Variants in TRPM7 observed in about 807,000 individuals in gnomAD.
TRPM7 encodes transient receptor potential cation channel subfamily M member 7.
Under a neutral mutation model 229.7 loss-of-function variants are expected in TRPM7, and 134 were observed. That is an observed-to-expected ratio of 0.58 (90% confidence interval 0.51 to 0.67). The LOEUF (loss-of-function observed/expected upper bound fraction) is 0.67. Ranked by LOEUF, TRPM7 falls within the 30% of genes least tolerant of loss-of-function variation. TRPM7 has a pLI of 0.00. For synonymous variants in TRPM7, 699 were observed against 715.2 expected, an observed-to-expected ratio of 0.98 and a Z score of 0.36; for missense variants, 1,901 against 2,210.0, an observed-to-expected ratio of 0.86 and a Z score of 2.80.
intron 3 of TRPM7, among the ~76,000 whole-genome samples, chr15:50,654,372 G>A (rs1257459372): frequency 3.3e-5 from 5 of 150,902 alleles, no homozygotes; most frequent in African/African-American, 7.3e-5. Flanking sequence ...GCTTGAACCC[G>A]GGAGGCAGAG....
At chr15:50,620,214 C>T (rs2060349705) in intron 12 of TRPM7, among the ~76,000 whole-genome samples, 1 of 152,074 alleles carries the variant, frequency 6.6e-6, no homozygotes, top group South Asian at 2.1e-4. Flanking sequence ...ACCTGTAACC[C>T]ACGGGCTGCA....
rs577938553 is a variant in TRPM7, at chr15:50,659,450, A to G, written c.84-1631T>C. Among the ~76,000 whole-genome samples, 21 of 152,318 alleles carry G rather than the reference A, an allele frequency of 1.4e-4. No individual in the cohort carries two copies. The South Asian group carries it at 3.3e-3, about 24-fold the overall frequency. On this transcript the variant is annotated intron_variant, in intron 2 of 38. Transcript: ENST00000646667. The stretch of plus-strand genomic sequence containing the variant: ...GCATTTGGTACCTTTTAAGTTATGA[A>G]CCAAGTGTCAATTACCTATTCATAT...
intron 1 of TRPM7, among the ~76,000 whole-genome samples, chr15:50,666,969 T>C (rs752318289): frequency 7.2e-5 from 11 of 152,188 alleles, no homozygotes; most frequent in Admixed American, 2.0e-4. Context: ...CTTTACTGTA[T>C]GGATTCGCCT....
At chr15:50,582,323 T>C (rs2054460767) in intron 29 of TRPM7, 1 of 152,170 alleles carries the variant, frequency 6.6e-6, no homozygotes, top group Admixed American at 6.5e-5. Context: ...TAGTATCTCC[T>C]TCTTTTCTCA....
At chr15:50,622,726 A>G (rs1170156073) in intron 12 of TRPM7, among the ~76,000 whole-genome samples, 1 of 152,104 alleles carries the variant, frequency 6.6e-6, no homozygotes, top group African/African-American at 2.4e-5. Context: ...TCTCCACTAA[A>G]AATACAAAAA....
chr15:50,642,482 A>C (rs2061132089), intron 5 of TRPM7, among the ~76,000 whole-genome samples: 1 of 152,196 alleles, frequency 6.6e-6, no homozygotes, highest in African/African-American at 2.4e-5. Flanking sequence ...GAAGTAACTG[A>C]ATCATGGGGG....
In TRPM7 at chr15:50,560,810, T is replaced by C. The variant is rs1370332489; in HGVS notation, c.*868A>G. On this transcript the variant is annotated 3_prime_UTR_variant, in exon 39 of 39. Coordinates refer to ENST00000646667, the MANE Select transcript of TRPM7 (RefSeq NM_017672.6). ...TTTGATATAACAATCAATAAAATCT[T>C]TGGAGAAGTTTGTAAGTTCTGGGTT... 1 of 152,652 alleles carries C rather than the reference T, an allele frequency of 6.6e-6. No homozygotes were observed. Among genetic ancestry groups the C allele is most frequent in the Non-Finnish European group, 1.5e-5 (1 of 68,032 alleles). 9.5% of individuals were successfully genotyped at this position (152,652 alleles called of 1,614,324 possible).
intron 1 of TRPM7, among the ~76,000 whole-genome samples, chr15:50,666,007 T>A (rs796759227): frequency 1.1e-4 from 16 of 148,376 alleles, no homozygotes; most frequent in African/African-American, 3.7e-4. Flanking sequence ...AATAATAATT[T>A]AAAAAAAAGG....
intron 8 of TRPM7, among the ~76,000 whole-genome samples, chr15:50,633,656 A>G (rs1440922324): frequency 6.6e-6 from 1 of 152,150 alleles, no homozygotes; most frequent in African/African-American, 2.4e-5. Context: ...TCAGCTATAA[A>G]CCATTTCTTT....
intron 10 of TRPM7, among the ~76,000 whole-genome samples, chr15:50,630,082 G>A (rs1439838018): frequency 5.9e-5 from 9 of 151,922 alleles, no homozygotes; most frequent in South Asian, 2.1e-4. Flanking sequence ...GGCTGATCTT[G>A]AACTCCTGAC....
intron 28 of TRPM7, among the ~76,000 whole-genome samples, chr15:50,584,476 C>T (rs933214870): frequency 2.0e-5 from 3 of 152,172 alleles, no homozygotes; most frequent in Admixed American, 2.0e-4. Flanking sequence ...AAAGAGAGTT[C>T]AATTCTTGTC....
intron 13 of TRPM7, among the ~76,000 whole-genome samples, chr15:50,614,664 CAAAAAAAAAAAAAAA>C (rs59336476): frequency 1.1e-5 from 1 of 92,688 alleles, no homozygotes; most frequent in Non-Finnish European, 2.2e-5. Flanking sequence ...GACTTGGTCT[CAAAAAAAAAAAAAAA>C]AAAAAAAAAA....
chr15:50,589,462 G>T, intron 27 of TRPM7, 130 bp downstream of exon 27: 1 of 595,132 alleles, frequency 1.7e-6, no homozygotes. Context: ...TCAAATATTT[G>T]GTATCAGCAT....
At chr15:50,596,190 C>A in intron 23 of TRPM7, 65 bp downstream of exon 23, 1 of 1,140,122 alleles carries the variant, frequency 8.8e-7, no homozygotes, top group Non-Finnish European at 1.2e-6. Context: ...CTATAAATTT[C>A]CTTCAAAATA....
At chr15:50,627,409 T>C (rs184080544) in intron 11 of TRPM7, among the ~76,000 whole-genome samples, 2 of 152,030 alleles carry the variant, frequency 1.3e-5, no homozygotes, top group Admixed American at 1.3e-4. Flanking sequence ...CGTGGGTATG[T>C]AGGGAAAAAT....
At chr15:50,686,055 T>C (rs2062353048) in intron 1 of TRPM7, among the ~76,000 whole-genome samples, 2 of 152,248 alleles carry the variant, frequency 1.3e-5, no homozygotes, top group Admixed American at 1.3e-4. Flanking sequence ...CCGTGTCCTC[T>C]ACCCCCTTTT....
intron 9 of TRPM7, 81 bp downstream of exon 9, chr15:50,632,788 T>G: frequency 7.7e-7 from 1 of 1,297,462 alleles, no homozygotes; most frequent in South Asian, 1.7e-5. Context: ...AAAACAAAAG[T>G]ATTTCACCAG....
At chr15:50,638,728 T>C (rs1435387723) in intron 6 of TRPM7, among the ~76,000 whole-genome samples, 1 of 137,574 alleles carries the variant, frequency 7.3e-6, no homozygotes, top group Non-Finnish European at 1.7e-5. Context: ...CTTTGTCACC[T>C]AGGCTGGAAT....
chr15:50,595,942 G>A lies in TRPM7; in HGVS notation c.3290+313C>T, dbSNP rs577130500. Reference sequence around the variant, plus strand: ...TTTGCAAAAAAAATGATAGAAAGGTGTACACCCAAATATTAACAGTGGAAT... The same window carrying A: ...TTTGCAAAAAAAATGATAGAAAGGTATACACCCAAATATTAACAGTGGAAT... On this transcript the variant is annotated intron_variant, in intron 23 of 38. Coordinates refer to ENST00000646667, the MANE Select transcript of TRPM7 (RefSeq NM_017672.6). Among the ~76,000 whole-genome samples the A allele has an allele frequency of 2.6e-5, 4 of 152,148 alleles. No individual in the cohort carries two copies. In the South Asian group the frequency reaches 6.2e-4, roughly 24 times the overall value.
Sources: allele counts gnomAD v4.1 joint callset (sites outside exome capture counted in the v4.1 genomes callset), GRCh38; gene constraint gnomAD v4.1.1; transcripts MANE v1.5; gene names NCBI Gene and HGNC (gene_info 2026-07-23, HGNC 2026-07-21).